SPECC1: variants seen among roughly 807,000 people sequenced by gnomAD.
SPECC1 encodes cytospin-B.
SPECC1 carries 62 observed loss-of-function variants against 104.1 expected under a neutral mutation model. That is an observed-to-expected ratio of 0.60 (90% CI 0.49 to 0.74). SPECC1 has a LOEUF of 0.74. Ranked by LOEUF, SPECC1 falls within the 30% of genes least tolerant of loss-of-function variation. The pLI, the probability that SPECC1 is intolerant of heterozygous loss-of-function variation, is 0.00. For missense variants in SPECC1, 1,306 were observed against 1,310.5 expected (o/e 1.00, Z 0.05); for synonymous variants, 513 against 501.6 (o/e 1.02, Z -0.30).
At chr17:20,056,813 C>A (rs2045981904) in intron 1 of SPECC1, among the ~76,000 whole-genome samples, 1 of 152,060 alleles carries the variant, frequency 6.6e-6, no homozygotes, top group African/African-American at 2.4e-5. Flanking sequence ...AAATAAAATC[C>A]TCTGAAGAGA....
chr17:20,263,807 G>A (rs1239252902), intron 12 of SPECC1, among the ~76,000 whole-genome samples: 1 of 152,168 alleles, frequency 6.6e-6, no homozygotes, highest in Non-Finnish European at 1.5e-5. Context: ...ATGTAACCTT[G>A]TTGTAATGCA....
chr17:20,203,106 T>G (rs977494026), intron 3 of SPECC1, among the ~76,000 whole-genome samples: 3 of 152,094 alleles, frequency 2.0e-5, no homozygotes, highest in Non-Finnish European at 4.4e-5. Flanking sequence ...GCCTTAGCGC[T>G]GGGGCTGCTG....
intron 1 of SPECC1, among the ~76,000 whole-genome samples, chr17:20,058,463 G>C (rs2046051133): frequency 6.6e-6 from 1 of 152,108 alleles, no homozygotes; most frequent in South Asian, 2.1e-4. Context: ...TTTGAGACCA[G>C]TCTGGGCAAC....
At chr17:20,093,828 T>C (rs1312910118) in intron 1 of SPECC1, among the ~76,000 whole-genome samples, 2 of 151,648 alleles carry the variant, frequency 1.3e-5, no homozygotes, top group Non-Finnish European at 2.9e-5. Flanking sequence ...CCTCCCGGGT[T>C]CAAGTGATTT....
intron 1 of SPECC1, among the ~76,000 whole-genome samples, chr17:20,026,181 C>CT (rs923539726): frequency 2.0e-5 from 3 of 151,072 alleles, no homozygotes; most frequent in African/African-American, 4.9e-5. Context: ...TCTTAATTTT[C>CT]TTTTTTTTCC....
At chr17:20,020,794 C>T (rs965275443) in intron 1 of SPECC1, among the ~76,000 whole-genome samples, 1 of 152,192 alleles carries the variant, frequency 6.6e-6, no homozygotes, top group African/African-American at 2.4e-5. Flanking sequence ...CACTCTCATT[C>T]TCTTCTCCCT....
At chr17:20,022,685 A>G (rs940182278) in intron 1 of SPECC1, among the ~76,000 whole-genome samples, 1 of 152,174 alleles carries the variant, frequency 6.6e-6, no homozygotes, top group African/African-American at 2.4e-5. Flanking sequence ...TGCTGTTGCT[A>G]GGGCCTGGGC....
intron 1 of SPECC1, among the ~76,000 whole-genome samples, chr17:20,012,185 A>G (rs891017911): frequency 2.0e-5 from 3 of 152,174 alleles, no homozygotes; most frequent in Non-Finnish European, 4.4e-5. Flanking sequence ...TTAAGAACAG[A>G]TTAATTTGCA....
chr17:20,197,575 A>G (rs543328654), intron 3 of SPECC1, among the ~76,000 whole-genome samples: 50 of 152,366 alleles, frequency 3.3e-4, no homozygotes, highest in African/African-American at 1.2e-3. Flanking sequence ...TTTAACTAAT[A>G]TGATTTTTAG....
At chr17:20,304,560 T>G (rs988452067) in intron 13 of SPECC1, among the ~76,000 whole-genome samples, 2 of 152,116 alleles carry the variant, frequency 1.3e-5, no homozygotes, top group African/African-American at 4.8e-5. Flanking sequence ...GGGAAATTAT[T>G]TTCAGCCTCA....
intron 1 of SPECC1, among the ~76,000 whole-genome samples, chr17:20,033,902 C>T (rs1405503897): frequency 6.6e-6 from 1 of 152,156 alleles, no homozygotes; most frequent in Non-Finnish European, 1.5e-5. Flanking sequence ...TGCTTATTGT[C>T]AGCCTCAAAT....
intron 2 of SPECC1, among the ~76,000 whole-genome samples, chr17:20,106,567 T>A (rs1191707977): frequency 6.6e-6 from 1 of 152,162 alleles, no homozygotes; most frequent in African/African-American, 2.4e-5. Context: ...GGGAGGTAAT[T>A]GAATCCTGCT....
At chr17:20,249,701 A>G (rs1417638009) in intron 9 of SPECC1, among the ~76,000 whole-genome samples, 1 of 152,196 alleles carries the variant, frequency 6.6e-6, no homozygotes, top group Non-Finnish European at 1.5e-5. Context: ...GTTTAGCTGT[A>G]GCTTAAACAG....
At position 20,317,928 on chromosome 17, in the gene SPECC1, G is replaced by C. The variant is rs1163769155; in HGVS notation, c.*3863G>C. 5 of 225,480 alleles carry C rather than the reference G, an allele frequency of 2.2e-5. No individual in the cohort carries two copies. Among genetic ancestry groups the C allele is most frequent in the Admixed American group, 1.1e-4 (2 of 17,538 alleles). The allele number at this position is 225,480 out of a possible 1,614,324, so 14.0% of individuals were successfully genotyped here. On this transcript the variant is annotated 3_prime_UTR_variant, in exon 15 of 15. Coordinates refer to ENST00000395527, the MANE Select transcript of SPECC1 (RefSeq NM_001243439.2). Reference sequence around the variant, plus strand: ...CAGTCCCCAACCCAGCTAGGCCAAGGGGTAGGGTTTTTAGGTCTGTTTTTA... The same window carrying C: ...CAGTCCCCAACCCAGCTAGGCCAAGCGGTAGGGTTTTTAGGTCTGTTTTTA...
At chr17:20,286,815 G>A (rs752261139) in intron 12 of SPECC1, among the ~76,000 whole-genome samples, 19 of 152,232 alleles carry the variant, frequency 1.2e-4, no homozygotes, top group Non-Finnish European at 2.5e-4. Context: ...AGGGCTGGAT[G>A]CTTTTCCAGT....
rs542234402 is a variant in SPECC1, at chr17:20,210,142, G to A, written c.1863+4230G>A. On this transcript the variant is annotated intron_variant, in intron 4 of 14. Coordinates refer to ENST00000395527, the MANE Select transcript of SPECC1 (RefSeq NM_001243439.2). ...GAACCAGAATTTGAGGGAAATATGT[G>A]GCAAATAGATGATCCTGTAGCTGTG... is the stretch of plus-strand genomic sequence containing the variant. 1.1e-4 allele frequency among the ~76,000 whole-genome samples: 17 copies of A among 152,270 alleles called. No individual in the cohort carries two copies. In the South Asian group the frequency reaches 3.3e-3, roughly 30 times the overall value.
At chr17:20,120,652 G>A (rs1456723526) in intron 3 of SPECC1, among the ~76,000 whole-genome samples, 1 of 151,968 alleles carries the variant, frequency 6.6e-6, no homozygotes, top group Non-Finnish European at 1.5e-5. Context: ...TTTGACTTGG[G>A]GACAAGTTTT....
intron 3 of SPECC1, among the ~76,000 whole-genome samples, chr17:20,174,379 C>T (rs2034314433): frequency 6.6e-6 from 1 of 152,066 alleles, no homozygotes; most frequent in Admixed American, 6.5e-5. Flanking sequence ...AATTGATCTT[C>T]CTGGTTACTT....
intron 4 of SPECC1, among the ~76,000 whole-genome samples, chr17:20,224,232 G>A (rs890583919): frequency 6.6e-6 from 1 of 152,222 alleles, no homozygotes; most frequent in Non-Finnish European, 1.5e-5. Flanking sequence ...GCTGCCTGGA[G>A]TTGGAGCAGG....
Sources: gnomAD v4.1 joint callset for allele counts (sites outside exome capture counted in the v4.1 genomes callset) on GRCh38, gnomAD v4.1.1 for gene constraint, MANE v1.5 for transcripts, NCBI Gene and HGNC (gene_info 2026-07-23, HGNC 2026-07-21) for gene names.